The following KIAA1217 variants were observed in gnomAD, a reference collection of about 807,000 sequenced individuals.
KIAA1217 encodes the protein sickle tail protein homolog.
Under a neutral mutation model 163.9 loss-of-function variants are expected in KIAA1217, and 88 were observed. The ratio of observed to expected loss-of-function variants is 0.54; its 90% CI spans 0.45 to 0.64. KIAA1217 has a LOEUF of 0.64. KIAA1217 is among the 30% of genes least tolerant of loss of function. The probability of loss-of-function intolerance (pLI) is 0.00; values close to 1 mark genes in which losing one functional copy is unlikely to be tolerated. For missense variants in KIAA1217, 2,372 were observed against 2,475.0 expected (o/e 0.96, Z 0.88); for synonymous variants, 903 against 923.1 (o/e 0.98, Z 0.39).
At chr10:24,014,947 G>T (rs1025828037) in intron 2 of KIAA1217, among the ~76,000 whole-genome samples, 1 of 151,350 alleles carries the variant, frequency 6.6e-6, no homozygotes, top group African/African-American at 2.4e-5. Context: ...TAATATCTTC[G>T]ATCAAAAATA....
rs544019115 is a variant in KIAA1217 at position 23,768,212 on chromosome 10, C to T, written c.-321+72978C>T. Among the ~76,000 whole-genome samples the T allele has an allele frequency of 3.3e-5, 5 of 152,262 alleles. No homozygotes were observed. In the South Asian group the frequency reaches 8.3e-4, roughly 25 times the overall value. ...GGGAAGTAACAGTGAAGAGGTGGAA[C>T]AGTGGGGCAGGAGCATGGTCTCTTT... On this transcript the variant is annotated intron_variant, in intron 1 of 18. Transcript: ENST00000376462.
At chr10:24,193,398 C>T (rs2066820129) in intron 2 of KIAA1217, among the ~76,000 whole-genome samples, 1 of 152,218 alleles carries the variant, frequency 6.6e-6, no homozygotes, top group Non-Finnish European at 1.5e-5. Flanking sequence ...ATTTCAATAG[C>T]TGCTTCAGAA....
chr10:24,241,028 G>A (rs1204672755), intron 2 of KIAA1217, among the ~76,000 whole-genome samples: 2 of 151,970 alleles, frequency 1.3e-5, no homozygotes, highest in East Asian at 3.9e-4. Context: ...TGTATTTTTG[G>A]TAGAGATGGG....
At chr10:24,456,409 A>G (rs1408132635) in intron 5 of KIAA1217, among the ~76,000 whole-genome samples, 3 of 152,148 alleles carry the variant, frequency 2.0e-5, no homozygotes, top group Admixed American at 2.0e-4. Context: ...TTTGCTGATG[A>G]TATTAATAAT....
intron 1 of KIAA1217, among the ~76,000 whole-genome samples, chr10:23,949,457 T>C (rs540417372): frequency 2.0e-5 from 3 of 152,202 alleles, no homozygotes; most frequent in Non-Finnish European, 4.4e-5. Context: ...ATGGTGAGAA[T>C]TCGTTTCCCT....
intron 2 of KIAA1217, among the ~76,000 whole-genome samples, chr10:24,147,270 G>A (rs1366537408): frequency 1.3e-5 from 2 of 152,126 alleles, no homozygotes; most frequent in Admixed American, 1.3e-4. Flanking sequence ...TTGCAGTTCA[G>A]TGGGGACAAG....
intron 2 of KIAA1217, among the ~76,000 whole-genome samples, chr10:24,262,756 C>T (rs1189963083): frequency 1.3e-5 from 2 of 151,924 alleles, no homozygotes; most frequent in Non-Finnish European, 2.9e-5. Flanking sequence ...GTCCACCTGG[C>T]CAACATGGCG....
At chr10:24,463,777 C>T (rs16924792) in intron 5 of KIAA1217, among the ~76,000 whole-genome samples, 12,621 of 152,280 alleles carry the variant, frequency 0.083, 666 homozygotes, top group East Asian at 0.18. Flanking sequence ...TTTCCTAGCA[C>T]GTCCATTCTT....
intron 2 of KIAA1217, among the ~76,000 whole-genome samples, chr10:24,040,928 T>C (rs1431633682): frequency 3.9e-5 from 6 of 152,232 alleles, no homozygotes. Flanking sequence ...CAAAAATTAC[T>C]ATACCGACTT....
intron 6 of KIAA1217, among the ~76,000 whole-genome samples, chr10:24,485,960 T>C (rs112257456): frequency 1.1e-4 from 16 of 152,308 alleles, no homozygotes; most frequent in Admixed American, 3.3e-4. Context: ...AACAGCTTCA[T>C]TCATCTAGTC....
intron 1 of KIAA1217, among the ~76,000 whole-genome samples, chr10:23,765,744 C>T (rs1307932322): frequency 1.3e-5 from 2 of 152,132 alleles, no homozygotes; most frequent in Admixed American, 1.3e-4. Context: ...GCCTTGCTTC[C>T]CTTTTGCCTT....
intron 1 of KIAA1217, among the ~76,000 whole-genome samples, chr10:23,934,481 A>C (rs111267846): frequency 2.1e-5 from 3 of 144,252 alleles, no homozygotes; most frequent in African/African-American, 7.9e-5. Flanking sequence ...CACATTCTGC[A>C]CATGTATCTC....
rs527979884 is a variant in KIAA1217, at chr10:24,250,574, A to G, written c.354+30665A>G. Reference sequence around the variant, plus strand: ...CAGCCTCTGGAGTAACTGGGACTACATGTGCCTGCCACCACGCCTTGCTAA... The same window carrying G: ...CAGCCTCTGGAGTAACTGGGACTACGTGTGCCTGCCACCACGCCTTGCTAA... On this transcript the variant is annotated intron_variant, in intron 2 of 20. Coordinates refer to ENST00000376454, the MANE Select transcript of KIAA1217 (RefSeq NM_019590.5). Among the ~76,000 whole-genome samples, 12 of 148,446 alleles carry G rather than the reference A, an allele frequency of 8.1e-5. 1 individual carries two copies. In the East Asian group the frequency reaches 2.0e-3, roughly 25 times the overall value.
At chr10:23,982,044 G>A (rs1322198198) in intron 1 of KIAA1217, among the ~76,000 whole-genome samples, 1 of 151,808 alleles carries the variant, frequency 6.6e-6, no homozygotes, top group Non-Finnish European at 1.5e-5. Context: ...ACTGGCTGCT[G>A]TAGTAGTGGT....
At chr10:24,210,901 A>G (rs887928905) in intron 1 of KIAA1217, among the ~76,000 whole-genome samples, 39 of 152,018 alleles carry the variant, frequency 2.6e-4, no homozygotes, top group Admixed American at 2.4e-3. Flanking sequence ...ATAAAAATAC[A>G]GGAGGCCCAG....
At chr10:23,781,004 T>G (rs1835234794) in intron 1 of KIAA1217, among the ~76,000 whole-genome samples, 1 of 152,108 alleles carries the variant, frequency 6.6e-6, no homozygotes, top group Non-Finnish European at 1.5e-5. Context: ...AACCACTTAT[T>G]TATAGACAGC....
intron 2 of KIAA1217, among the ~76,000 whole-genome samples, chr10:24,155,619 A>G (rs1007220045): frequency 2.0e-5 from 3 of 152,062 alleles, no homozygotes; most frequent in Non-Finnish European, 2.9e-5. Context: ...TCAGGAGTTC[A>G]AGACCAGCCT....
intron 9 of KIAA1217, among the ~76,000 whole-genome samples, chr10:24,511,337 C>A (rs867386390): frequency 6.6e-6 from 1 of 152,078 alleles, no homozygotes; most frequent in Middle Eastern, 3.4e-3. Context: ...TCTCTGTACA[C>A]TGTCTCTAAA....
upstream of KIAA1217, among the ~76,000 whole-genome samples, chr10:24,204,395 T>A (rs80226967): frequency 1.6e-3 from 238 of 152,336 alleles, no homozygotes; most frequent in African/African-American, 5.6e-3. Flanking sequence ...CTATGGAATC[T>A]GCGAAATTGT....
Sources: gnomAD v4.1 joint callset for allele counts (sites outside exome capture counted in the v4.1 genomes callset) on GRCh38, gnomAD v4.1.1 for gene constraint, MANE v1.5 for transcripts, NCBI Gene and HGNC (gene_info 2026-07-23, HGNC 2026-07-21) for gene names.